Variants in MCF2L2 observed in about 807,000 individuals in gnomAD.
MCF2L2 encodes probable guanine nucleotide exchange factor MCF2L2.
A neutral mutation model predicts 150.2 loss-of-function variants in MCF2L2; 102 were observed. The ratio of observed to expected loss-of-function variants is 0.68; its 90% CI spans 0.58 to 0.80. The LOEUF (loss-of-function observed/expected upper bound fraction) is 0.80, where lower values mean the gene tolerates loss of function less well. MCF2L2 is among the 30% of genes least tolerant of loss of function. MCF2L2 has a pLI of 0.00. For missense variants in MCF2L2, 1,256 were observed against 1,372.8 expected (o/e 0.91, Z 1.34); for synonymous variants, 465 against 491.3 (o/e 0.95, Z 0.71).
intron 7 of MCF2L2, among the ~76,000 whole-genome samples, chr3:183,313,851 A>T (rs1373612810): frequency 6.6e-6 from 1 of 152,134 alleles, no homozygotes; most frequent in Admixed American, 6.5e-5. Context: ...CTCATTGCCT[A>T]CCAAAGTTCC....
chr3:183,269,911 A>C (rs1405309385), intron 15 of MCF2L2: 2 of 1,614,032 alleles, frequency 1.2e-6, no homozygotes, highest in African/African-American at 1.3e-5. Flanking sequence ...ATCGATAATC[A>C]CATTGTGAGC....
In MCF2L2 at chr3:183,413,340, T is replaced by A. The variant is rs187083652; in HGVS notation, c.76+14562A>T. Reference sequence around the variant, plus strand: ...ATATGTATTATAAACTGTATTCTTATAATAAAACTAGGGAAAAGAAAATAT... The same window carrying A: ...ATATGTATTATAAACTGTATTCTTAAAATAAAACTAGGGAAAAGAAAATAT... On this transcript the variant is annotated intron_variant, in intron 1 of 29. Coordinates refer to ENST00000328913, the MANE Select transcript of MCF2L2 (RefSeq NM_015078.4). 2.7e-3 allele frequency among the ~76,000 whole-genome samples: 404 copies of A among 152,284 alleles called. 3 individuals are homozygous for A. Among genetic ancestry groups the A allele is most frequent in the Non-Finnish European group, 3.5e-3 (239 of 68,000 alleles).
At chr3:183,264,794 GT>G (rs1237722646) in intron 15 of MCF2L2, among the ~76,000 whole-genome samples, 4 of 152,158 alleles carry the variant, frequency 2.6e-5, no homozygotes, top group African/African-American at 9.7e-5. Flanking sequence ...GTTCTAACTA[GT>G]TTTTTCCCAA....
chr3:183,184,906 AC>A (rs1721642262), intron 27 of MCF2L2, among the ~76,000 whole-genome samples: 2 of 149,200 alleles, frequency 1.3e-5, no homozygotes. Context: ...TCAATGCACA[AC>A]TTTTTTTTTC....
intron 1 of MCF2L2, among the ~76,000 whole-genome samples, chr3:183,411,616 CTTT>C (rs5854983): frequency 7.0e-6 from 1 of 142,846 alleles, no homozygotes; most frequent in African/African-American, 2.6e-5. Flanking sequence ...CTACTTGAAG[CTTT>C]TTTTTTTTTT....
chr3:183,309,985 T>TC (rs1193582254), intron 9 of MCF2L2, 150 bp from the exon 10 acceptor site: 1 of 692,542 alleles, frequency 1.4e-6, no homozygotes, highest in African/African-American at 1.8e-5. Flanking sequence ...TTTTTGCAGC[T>TC]CACTAACTTT....
intron 1 of MCF2L2, among the ~76,000 whole-genome samples, chr3:183,418,472 C>A (rs1297762645): frequency 6.6e-6 from 1 of 152,208 alleles, no homozygotes; most frequent in East Asian, 1.9e-4. Context: ...AGCATTAACT[C>A]AAAAGTGCAA....
At chr3:183,212,965 T>TGGG (rs1238129253) in intron 22 of MCF2L2, among the ~76,000 whole-genome samples, 1 of 10,228 alleles carries the variant, frequency 9.8e-5, no homozygotes. Context: ...GTGGGGGGGG[T>TGGG]GGGGGGGTGG....
intron 10 of MCF2L2, among the ~76,000 whole-genome samples, chr3:183,302,618 G>C (rs1330256222): frequency 6.6e-6 from 1 of 152,076 alleles, no homozygotes; most frequent in African/African-American, 2.4e-5. Flanking sequence ...GAAATGCAGG[G>C]AGACTCATTA....
At chr3:183,269,229 GCTTT>G (rs1726467292) in intron 15 of MCF2L2, among the ~76,000 whole-genome samples, 1 of 77,022 alleles carries the variant, frequency 1.3e-5, no homozygotes, top group South Asian at 4.7e-4. Context: ...CGTTTGGGAA[GCTTT>G]TTTTTTTTTT....
intron 10 of MCF2L2, 43 bp from the exon 11 acceptor site, chr3:183,300,239 A>C (rs769487305): frequency 6.5e-7 from 1 of 1,543,726 alleles, no homozygotes; most frequent in South Asian, 1.2e-5. Context: ...AAGTCAGAGC[A>C]TCATGAGGCT....
intron 14 of MCF2L2, among the ~76,000 whole-genome samples, chr3:183,282,134 A>G (rs1560401301): frequency 6.6e-6 from 1 of 151,686 alleles, no homozygotes; most frequent in Non-Finnish European, 1.5e-5. Flanking sequence ...AGTTCAATTT[A>G]CTTACTGGTT....
chr3:183,211,279 C>T (rs1286030250), intron 22 of MCF2L2, among the ~76,000 whole-genome samples: 6 of 152,124 alleles, frequency 3.9e-5, no homozygotes, highest in African/African-American at 9.7e-5. Flanking sequence ...CCCATCTCCG[C>T]GAACTTGGCT....
chr3:183,351,162 G>C (rs1731099047), intron 3 of MCF2L2, among the ~76,000 whole-genome samples: 1 of 117,100 alleles, frequency 8.5e-6, no homozygotes, highest in African/African-American at 3.7e-5. Flanking sequence ...AAGAAGCATT[G>C]TGGTGTGTGT....
intron 3 of MCF2L2, 27 bp downstream of exon 3, chr3:183,379,270 G>A: frequency 6.5e-7 from 1 of 1,537,632 alleles, no homozygotes; most frequent in South Asian, 1.2e-5. Flanking sequence ...CAGTGCCTAA[G>A]GCGGCAGGAC....
chr3:183,413,486 A>C (rs961138267), intron 1 of MCF2L2, among the ~76,000 whole-genome samples: 1 of 152,160 alleles, frequency 6.6e-6, no homozygotes, highest in Non-Finnish European at 1.5e-5. Flanking sequence ...CCAGGGCTAA[A>C]GACAAACCCC....
At chr3:183,360,761 G>T (rs1251836328) in intron 3 of MCF2L2, among the ~76,000 whole-genome samples, 1 of 151,990 alleles carries the variant, frequency 6.6e-6, no homozygotes, top group Non-Finnish European at 1.5e-5. Flanking sequence ...CCTGAGGTCA[G>T]GAGTTCTAGA....
chr3:183,179,647 A>G lies in MCF2L2; in HGVS notation c.3151T>C (p.Ser1051Pro), dbSNP rs1576900895. ...QSDDSHETCSSKSAFLERGES... is the reference protein window; with the variant it reads ...QSDDSHETCSPKSAFLERGES... ...CCCCTCTCCAGGAAAGCAGATTTGG[A>G]GGAACAGGTTTCGTGACTGTCGTCC... The change falls in exon 29 of 30, where the codon TCC becomes CCC. Residue 1051 changes from serine to proline, a missense_variant. Transcript: ENST00000328913. The surrounding 1 kb of genome is among the most constrained non-coding windows in gnomAD (Gnocchi z 4.2). The G allele has an allele frequency of 1.9e-6, 3 of 1,614,028 alleles. No individual in the cohort carries two copies. The highest frequency in any genetic ancestry group is 2.5e-6 in the Non-Finnish European group (3 of 1,179,982).
rs768167519 is a variant in MCF2L2, at chr3:183,310,997, G to C, written c.911C>G (p.Ala304Gly). Reference protein sequence around the residue: ...LLVQLDETEKAFSHFWSEHHL... With the variant: ...LLVQLDETEKGFSHFWSEHHL... ...ATGCTCAGACCAAAAGTGACTAAAG[G>C]CTTTTTCTGTTTCATCCAGTTGAAC... Residue 304 changes from alanine (A) to glycine (G), a missense_variant, in exon 9 of 30, where the codon GCC becomes GGC. Ala to Gly is a moderately conservative substitution (Grantham distance 60). Coordinates refer to ENST00000328913, the MANE Select transcript of MCF2L2 (RefSeq NM_015078.4). 26 of 1,613,384 alleles carry C rather than the reference G, an allele frequency of 1.6e-5. 1 individual carries two copies. The South Asian group carries it at 2.6e-4, about 16-fold the overall frequency.
Sources: gnomAD v4.1 joint callset for allele counts (sites outside exome capture counted in the v4.1 genomes callset) on GRCh38, gnomAD v4.1.1 for gene constraint, Gnocchi (gnomAD v3.1) non-coding constraint, MANE v1.5 for transcripts, NCBI Gene and HGNC (gene_info 2026-07-23, HGNC 2026-07-21) for gene names.